The following ZFHX4 variants were observed in gnomAD, a reference collection of about 807,000 sequenced individuals.
ZFHX4 encodes zinc finger homeobox protein 4.
ZFHX4 carries 56 observed loss-of-function variants against 267.6 expected under a neutral mutation model. The observed-to-expected ratio is 0.21, with a 90% confidence interval of 0.17 to 0.26. The LOEUF (loss-of-function observed/expected upper bound fraction) is 0.26. Ranked by LOEUF, ZFHX4 falls within the 10% of genes least tolerant of loss-of-function variation. The probability of loss-of-function intolerance (pLI) is 1.00; values close to 1 mark genes in which losing one functional copy is unlikely to be tolerated. For synonymous variants in ZFHX4, 1,778 were observed against 1,665.6 expected, an observed-to-expected ratio of 1.07 and a Z score of -1.64; for missense variants, 4,332 against 4,420.0, an observed-to-expected ratio of 0.98 and a Z score of 0.56.
At chr8:76,745,617 T>C (rs1809438868) in intron 3 of ZFHX4, among the ~76,000 whole-genome samples, 1 of 152,092 alleles carries the variant, frequency 6.6e-6, no homozygotes, top group African/African-American at 2.4e-5. Context: ...ATTTTTTCCC[T>C]AAAGATGGTG....
At chr8:76,816,570 C>G (rs1055846492) in intron 4 of ZFHX4, among the ~76,000 whole-genome samples, 1 of 150,586 alleles carries the variant, frequency 6.6e-6, no homozygotes, top group Non-Finnish European at 1.5e-5. Flanking sequence ...CTGTGAGTGC[C>G]TGTGTGTTAA....
intron 1 of ZFHX4, among the ~76,000 whole-genome samples, chr8:76,688,739 T>A (rs926266767): frequency 6.6e-6 from 1 of 152,142 alleles, no homozygotes; most frequent in Non-Finnish European, 1.5e-5. Context: ...CAGATAATTA[T>A]TTATATGTAT....
At chr8:76,787,946 C>T (rs1810737135) in intron 4 of ZFHX4, among the ~76,000 whole-genome samples, 1 of 152,084 alleles carries the variant, frequency 6.6e-6, no homozygotes, top group Admixed American at 6.6e-5. Flanking sequence ...ATGCCCACTA[C>T]TATTTAAGTA....
At chr8:76,842,421 G>A (rs2131915466) in intron 5 of ZFHX4, among the ~76,000 whole-genome samples, 1 of 152,184 alleles carries the variant, frequency 6.6e-6, no homozygotes, top group East Asian at 1.9e-4. Context: ...TTTTAATTTA[G>A]TATAGACCCA....
At chr8:76,686,047 C>T (rs1345608643) in intron 1 of ZFHX4, among the ~76,000 whole-genome samples, 1 of 152,178 alleles carries the variant, frequency 6.6e-6, no homozygotes, top group East Asian at 1.9e-4. Context: ...AAGATTGTGA[C>T]TTTATCACAT....
At chr8:76,684,759 A>C (rs145406522) in intron 1 of ZFHX4, among the ~76,000 whole-genome samples, 1,816 of 152,342 alleles carry the variant, frequency 0.012, 19 homozygotes, top group Middle Eastern at 0.02. Flanking sequence ...AATCTTTTGC[A>C]GTTTTTAGCA....
At chr8:76,707,049 A>G (rs1484485604) in intron 2 of ZFHX4, among the ~76,000 whole-genome samples, 5 of 152,246 alleles carry the variant, frequency 3.3e-5, no homozygotes. Context: ...AAAAGGGTAT[A>G]GCATTATTTT....
At position 76,865,371 on chromosome 8, in the gene ZFHX4, C is replaced by A. The variant is rs1421126571; in HGVS notation, c.*806C>A. On this transcript the variant is annotated 3_prime_UTR_variant, in exon 11 of 11. Transcript: ENST00000651372. Reference sequence around the variant, plus strand: ...AGGTAATAATTCTAGTTTTGATAGACTCTGAGGATTATGTGAACAGGACAT... The same window carrying A: ...AGGTAATAATTCTAGTTTTGATAGAATCTGAGGATTATGTGAACAGGACAT... 1 of 152,564 alleles carries A rather than the reference C, an allele frequency of 6.6e-6. No individual in the cohort carries two copies. The highest frequency in any genetic ancestry group is 1.5e-5 in the Non-Finnish European group (1 of 68,022). The allele number at this position is 152,564 out of a possible 1,614,324, so 9.5% of individuals were successfully genotyped here.
intron 10 of ZFHX4, among the ~76,000 whole-genome samples, chr8:76,860,661 A>G (rs1334148451): frequency 1.3e-5 from 2 of 152,116 alleles, no homozygotes; most frequent in Admixed American, 6.6e-5. Flanking sequence ...TGAGTAGGCA[A>G]AGGAAGCTGG....
intron 3 of ZFHX4, among the ~76,000 whole-genome samples, chr8:76,711,646 T>A (rs1345339335): frequency 6.6e-6 from 1 of 152,304 alleles, no homozygotes; most frequent in East Asian, 1.9e-4. Flanking sequence ...ACGAATCAAC[T>A]AAGGAACAAA....
At position 76,784,144 on chromosome 8, in the gene ZFHX4, G is replaced by A. The variant is rs142305776; in HGVS notation, c.3325+5705G>A. Among the ~76,000 whole-genome samples, 317 of 152,080 alleles carry A rather than the reference G, an allele frequency of 2.1e-3. 2 individuals are homozygous for A. Among genetic ancestry groups the A allele is most frequent in the African/African-American group, 6.9e-3 (285 of 41,546 alleles). On this transcript the variant is annotated intron_variant, in intron 4 of 10. Coordinates refer to ENST00000651372, the MANE Select transcript of ZFHX4 (RefSeq NM_024721.5). ...GATTAGATTGCCAAGTCACAGCTGT[G>A]TATGCCAGTTGATATATAATTGTAG...
At chr8:76,785,747 G>A (rs185613447) in intron 4 of ZFHX4, among the ~76,000 whole-genome samples, 1 of 152,186 alleles carries the variant, frequency 6.6e-6, no homozygotes, top group East Asian at 1.9e-4. Context: ...GCCAAGTGAG[G>A]TGGAGAATTG....
At chr8:76,688,884 C>A (rs943034788) in intron 1 of ZFHX4, among the ~76,000 whole-genome samples, 3 of 152,022 alleles carry the variant, frequency 2.0e-5, no homozygotes, top group Non-Finnish European at 4.4e-5. Flanking sequence ...CTTCCATTTG[C>A]CTCATCACTT....
chr8:76,695,964 C>T (rs565876249), intron 1 of ZFHX4, among the ~76,000 whole-genome samples: 2 of 152,320 alleles, frequency 1.3e-5, no homozygotes, highest in South Asian at 4.1e-4. Flanking sequence ...CTTTAATTAA[C>T]TCTTATTGCA....
At chr8:76,758,484 TTTTGTTTGTTTG>T (rs569657686) in intron 3 of ZFHX4, among the ~76,000 whole-genome samples, 1 of 152,038 alleles carries the variant, frequency 6.6e-6, no homozygotes, top group Non-Finnish European at 1.5e-5. Context: ...AAAAGAGTTT[TTTTGTTTGTTTG>T]TTTGTTTGTT....
intron 3 of ZFHX4, 87 bp from the exon 4 acceptor site, chr8:76,778,121 T>C: frequency 1.2e-6 from 1 of 858,462 alleles, no homozygotes; most frequent in Non-Finnish European, 2.0e-6. Context: ...GTAACCAATG[T>C]TTATCATGCC....
At chr8:76,790,944 G>T (rs1032582818) in intron 4 of ZFHX4, among the ~76,000 whole-genome samples, 1 of 152,152 alleles carries the variant, frequency 6.6e-6, no homozygotes, top group Non-Finnish European at 1.5e-5. Flanking sequence ...AACCAGAGAA[G>T]AATTTTTAAA....
At chr8:76,744,647 A>G (rs900745401) in intron 3 of ZFHX4, among the ~76,000 whole-genome samples, 27 of 152,082 alleles carry the variant, frequency 1.8e-4, no homozygotes, top group Non-Finnish European at 1.0e-4. Context: ...TCCTGACCTC[A>G]AGTAATCCGT....
intron 1 of ZFHX4, among the ~76,000 whole-genome samples, chr8:76,691,096 CTATT>C (rs966177735): frequency 1.3e-4 from 20 of 152,016 alleles, no homozygotes; most frequent in South Asian, 2.1e-4. Flanking sequence ...ACTGTATTGG[CTATT>C]TGAAAAAGGC....
Sources: gnomAD v4.1 joint callset for allele counts (sites outside exome capture counted in the v4.1 genomes callset) on GRCh38, gnomAD v4.1.1 for gene constraint, MANE v1.5 for transcripts, NCBI Gene and HGNC (gene_info 2026-07-23, HGNC 2026-07-21) for gene names.